FOCAD: variants seen among roughly 807,000 people sequenced by gnomAD.
FOCAD encodes the protein KIAA1797.
Under a neutral mutation model 225.6 loss-of-function variants are expected in FOCAD, and 198 were observed. The ratio of observed to expected loss-of-function variants is 0.88; its 90% CI spans 0.78 to 0.99. The LOEUF is 0.99. FOCAD is among the 50% of genes least tolerant of loss of function. FOCAD has a pLI of 0.00. For synonymous variants in FOCAD, 897 were observed against 755.0 expected (o/e 1.19, Z -3.08); for missense variants, 2,713 against 2,123.6 (o/e 1.28, Z -5.46).
At chr9:20,909,357 C>T (rs1833246812) in intron 22 of FOCAD, among the ~76,000 whole-genome samples, 1 of 152,154 alleles carries the variant, frequency 6.6e-6, no homozygotes, top group East Asian at 1.9e-4. Flanking sequence ...AATGAAAATA[C>T]AGGAACTTAA....
intron 15 of FOCAD, among the ~76,000 whole-genome samples, chr9:20,846,691 A>G (rs1440477207): frequency 1.3e-5 from 2 of 152,126 alleles, no homozygotes; most frequent in African/African-American, 2.4e-5. Context: ...AGTGATTGCC[A>G]TGTAAGTTTA....
chr9:20,658,863 A>G (rs1324266452), intron 2 of FOCAD: 1 of 152,456 alleles, frequency 6.6e-6, no homozygotes, highest in African/African-American at 2.4e-5. Flanking sequence ...TTTTCCCCCA[A>G]ATTCCTATGC....
intron 36 of FOCAD, among the ~76,000 whole-genome samples, chr9:20,977,307 CT>C (rs534106363): frequency 3.9e-4 from 60 of 152,186 alleles, no homozygotes; most frequent in Non-Finnish European, 6.5e-4. Flanking sequence ...TGCAAAGCTT[CT>C]TTGTCATATA....
chr9:20,737,451 C>T (rs937123220), intron 4 of FOCAD, among the ~76,000 whole-genome samples: 1 of 152,196 alleles, frequency 6.6e-6, no homozygotes, highest in East Asian at 1.9e-4. Flanking sequence ...AATTCATCAA[C>T]ACTGGTCATT....
At chr9:20,792,478 G>C (rs1820633640) in intron 11 of FOCAD, among the ~76,000 whole-genome samples, 1 of 152,140 alleles carries the variant, frequency 6.6e-6, no homozygotes. Flanking sequence ...TATCCCCATT[G>C]ATGAGTTTGA....
At chr9:20,815,362 C>T (rs1216246092) in intron 11 of FOCAD, among the ~76,000 whole-genome samples, 9 of 148,938 alleles carry the variant, frequency 6.0e-5, no homozygotes, top group Non-Finnish European at 1.0e-4. Context: ...CCCAACTGGT[C>T]TCGAACTCCT....
Position 20,862,784 on chromosome 9 carries a change from T to A in FOCAD, c.2055+72T>A, listed in dbSNP as rs1317343067. 2.0e-6 allele frequency: 3 copies of A among 1,503,670 alleles called. No individual in the cohort carries two copies. In the Admixed American group the frequency reaches 5.8e-5, roughly 29 times the overall value. 93.1% of individuals were successfully genotyped at this position (1,503,670 alleles called of 1,614,324 possible). On this transcript the variant is annotated intron_variant, in intron 16 of 43. Coordinates refer to ENST00000338382, the MANE Select transcript of FOCAD (RefSeq NM_001375567.1). Reference sequence around the variant, plus strand: ...ATGTGTGTTATAATAACTTTTGGAATAAATATTCCTAATCTGTTGTTGTTG... The same window carrying A: ...ATGTGTGTTATAATAACTTTTGGAAAAAATATTCCTAATCTGTTGTTGTTG...
chr9:20,699,478 A>T (rs745332021), intron 1 of FOCAD, among the ~76,000 whole-genome samples: 2 of 151,840 alleles, frequency 1.3e-5, no homozygotes, highest in African/African-American at 4.8e-5. Flanking sequence ...GCAGTAGCTC[A>T]TGCCTGTAAT....
Position 20,796,893 on chromosome 9 carries a change from A to G in FOCAD, c.1455+7285A>G, listed in dbSNP as rs200465710. Among the ~76,000 whole-genome samples the G allele has an allele frequency of 5.3e-5, 8 of 151,644 alleles. No individual in the cohort carries two copies. The East Asian group carries it at 7.8e-4, about 15-fold the overall frequency. The stretch of plus-strand genomic sequence containing the variant: ...TTTTAGACATGAAGTCCTTGCCCAT[A>G]CCTATGTACTGAATGGTATTGCCTA... On this transcript the variant is annotated intron_variant, in intron 11 of 43. Transcript: ENST00000338382.
intron 5 of FOCAD, among the ~76,000 whole-genome samples, chr9:20,743,491 G>T (rs1199507388): frequency 6.6e-6 from 1 of 152,180 alleles, no homozygotes; most frequent in Non-Finnish European, 1.5e-5. Flanking sequence ...CAGTATGGGA[G>T]TGGACAGAAA....
intron 8 of FOCAD, among the ~76,000 whole-genome samples, chr9:20,771,054 G>A (rs1273021307): frequency 6.6e-6 from 1 of 152,214 alleles, no homozygotes; most frequent in Admixed American, 6.5e-5. Context: ...CAAGTTTCAG[G>A]AGGTAGGGCA....
intron 8 of FOCAD, among the ~76,000 whole-genome samples, chr9:20,773,267 G>T (rs556910578): frequency 1.3e-5 from 2 of 152,300 alleles, no homozygotes; most frequent in African/African-American, 4.8e-5. Flanking sequence ...ATGGCAATTA[G>T]TTGAAAGCAG....
Position 20,986,285 on chromosome 9 carries a change from C to CTTTTTTTTTTTTTTTTTTTTTT in FOCAD, c.4729-3_4729-2insTTTTTTTTTTTTTTTTTTTTTT, listed in dbSNP as rs1587791265. On this transcript the variant is annotated splice_region_variant and splice_polypyrimidine_tract_variant and intron_variant, in intron 39 of 43. Coordinates refer to ENST00000338382, the MANE Select transcript of FOCAD (RefSeq NM_001375567.1). ...TAAACAATTTTTTTTTTTTTTTTTGCAGAGCAACATAGAAAAAGCTGCCTT... is the reference window on the plus strand; with the variant it reads ...TAAACAATTTTTTTTTTTTTTTTTGCTTTTTTTTTTTTTTTTTTTTTTAGAGCAACATAGAAAAAGCTGCCTT... The CTTTTTTTTTTTTTTTTTTTTTT allele has an allele frequency of 3.8e-6, 1 of 262,472 alleles. No homozygotes were observed. Among genetic ancestry groups the CTTTTTTTTTTTTTTTTTTTTTT allele is most frequent in the Non-Finnish European group, 5.1e-6 (1 of 195,764 alleles). The allele number at this position is 262,472 out of a possible 1,614,324, so 16.3% of individuals were successfully genotyped here.
intron 1 of FOCAD, among the ~76,000 whole-genome samples, chr9:20,697,463 C>G (rs997697742): frequency 2.6e-5 from 4 of 152,222 alleles, no homozygotes; most frequent in African/African-American, 9.6e-5. Flanking sequence ...TCTGTAATCT[C>G]TCACTGCCTA....
chr9:20,667,711 G>T (rs1821935999), intron 2 of FOCAD, among the ~76,000 whole-genome samples: 1 of 152,040 alleles, frequency 6.6e-6, no homozygotes, highest in Non-Finnish European at 1.5e-5. Context: ...ATTGTGACAG[G>T]AATAATACTG....
intron 15 of FOCAD, among the ~76,000 whole-genome samples, chr9:20,852,752 G>A (rs1827796010): frequency 6.6e-6 from 1 of 151,602 alleles, no homozygotes; most frequent in African/African-American, 2.4e-5. Flanking sequence ...GTATTTCTCA[G>A]TCTCTTTCTA....
At chr9:20,707,270 A>G (rs1199365075) in intron 1 of FOCAD, among the ~76,000 whole-genome samples, 1 of 152,086 alleles carries the variant, frequency 6.6e-6, no homozygotes. Context: ...AGTATTTTCT[A>G]CTCTGGGTTT....
At chr9:20,657,139 A>C (rs867522784), upstream of FOCAD, among the ~76,000 whole-genome samples, 849 of 152,240 alleles carry the variant, frequency 5.6e-3, 7 homozygotes, top group Non-Finnish European at 8.0e-3. Flanking sequence ...GTTTCTGCCG[A>C]GAGATCCGCT....
intron 35 of FOCAD, among the ~76,000 whole-genome samples, chr9:20,954,993 G>A (rs1036790031): frequency 1.3e-5 from 2 of 152,136 alleles, no homozygotes; most frequent in Non-Finnish European, 2.9e-5. Context: ...AATATACCCA[G>A]CTCATTTGAA....
Sources: gnomAD v4.1 joint callset for allele counts (sites outside exome capture counted in the v4.1 genomes callset) on GRCh38, gnomAD v4.1.1 for gene constraint, MANE v1.5 for transcripts, NCBI Gene and HGNC (gene_info 2026-07-23, HGNC 2026-07-21) for gene names.